The following LDB2 variants were observed in gnomAD, a reference collection of about 807,000 sequenced individuals.
The protein encoded by LDB2 is LIM domain-binding protein 2.
A neutral mutation model predicts 44.3 loss-of-function variants in LDB2; 12 were observed. The ratio of observed to expected loss-of-function variants is 0.27; its 90% confidence interval spans 0.17 to 0.44. LDB2 has a LOEUF of 0.44. Among genes scored for constraint, LDB2 ranks in the 20% least tolerant of loss-of-function variants. LDB2 has a pLI of 1.00. For missense variants in LDB2, 344 were observed against 473.5 expected (o/e 0.73, Z 2.54); for synonymous variants, 164 against 174.8 (o/e 0.94, Z 0.49).
chr4:16,790,324 G>T (rs1037681731), intron 1 of LDB2, among the ~76,000 whole-genome samples: 2 of 152,102 alleles, frequency 1.3e-5, no homozygotes, highest in African/African-American at 4.8e-5. Flanking sequence ...AACATAATAC[G>T]GTCATGCACC....
rs1726633866 is a variant in LDB2 at position 16,522,595 on chromosome 4, A to C, written c.616-10491T>G. ...GGATTATGGTGTCTGTGGGTCCTAC[A>C]ACCAATCCCCTATGGATGCTGAGGA... is the stretch of plus-strand genomic sequence containing the variant. On this transcript the variant is annotated intron_variant, in intron 5 of 7. Coordinates refer to ENST00000304523, the MANE Select transcript of LDB2 (RefSeq NM_001290.5). Among the ~76,000 whole-genome samples, 4 of 152,298 alleles carry C rather than the reference A, an allele frequency of 2.6e-5. No individual in the cohort carries two copies. The South Asian group carries it at 8.3e-4, about 32-fold the overall frequency.
Position 16,761,105 on chromosome 4 carries a change from A to G in LDB2, c.133-1845T>C, listed in dbSNP as rs140499113. ...TCTCCCAACCCCCAGAACAGTGTCT[A>G]GCCTAGGATATTACTCATAAAAGCA... is the stretch of plus-strand genomic sequence containing the variant. On this transcript the variant is annotated intron_variant, in intron 1 of 7. Transcript: ENST00000304523. 2.1e-3 allele frequency among the ~76,000 whole-genome samples: 316 copies of G among 152,010 alleles called. 1 individual carries two copies. Among genetic ancestry groups the G allele is most frequent in the Admixed American group, 4.8e-3 (73 of 15,254 alleles).
At chr4:16,619,796 GTT>G in intron 2 of LDB2, among the ~76,000 whole-genome samples, 1 of 135,978 alleles carries the variant, frequency 7.4e-6, no homozygotes, top group East Asian at 2.1e-4. Flanking sequence ...GGATATCTCT[GTT>G]TTTTTTTTTT....
chr4:16,898,604 GAGGC>G lies in LDB2; in HGVS notation c.-123_-120del, dbSNP rs1174904247. On this transcript the variant is annotated 5_prime_UTR_variant, in exon 1 of 8. Coordinates refer to ENST00000304523, the MANE Select transcript of LDB2 (RefSeq NM_001290.5). ...ACGCACACACGCTCACACACACACA[GAGGC>G]AGGCAGGCAGGCAGGCTGAACACGC... is the stretch of plus-strand genomic sequence containing the variant. The G allele has an allele frequency of 1.1e-4, 98 of 927,546 alleles. No homozygotes were observed. The highest frequency in any genetic ancestry group is 2.8e-4 in the Middle Eastern group (1 of 3,632). The allele number at this position is 927,546 out of a possible 1,614,324, so 57.5% of individuals were successfully genotyped here. A position where few individuals can be genotyped will look rare whatever the true frequency, so the allele number is the denominator to read the frequency against.
chr4:16,560,409 CA>C (rs1408893769), intron 5 of LDB2, among the ~76,000 whole-genome samples: 5 of 152,110 alleles, frequency 3.3e-5, no homozygotes, highest in African/African-American at 1.2e-4. Context: ...CACAGAAATA[CA>C]AACTACCATC....
chr4:16,759,507 T>C, intron 1 of LDB2: 1 of 427,428 alleles, frequency 2.3e-6, no homozygotes, highest in African/African-American at 2.0e-5. Flanking sequence ...CAGGATATAT[T>C]TGGGGAGATT....
chr4:16,524,510 C>A, intron 5 of LDB2, among the ~76,000 whole-genome samples: 1 of 152,118 alleles, frequency 6.6e-6, no homozygotes, highest in East Asian at 1.9e-4. Context: ...CATTGGAAAC[C>A]ACCACATCGT....
At chr4:16,848,195 C>T (rs1787476581) in intron 1 of LDB2, among the ~76,000 whole-genome samples, 1 of 152,070 alleles carries the variant, frequency 6.6e-6, no homozygotes, top group Non-Finnish European at 1.5e-5. Flanking sequence ...CAAAAAAGAA[C>T]TATGTAAAGG....
chr4:16,787,273 G>A (rs1774646395), intron 1 of LDB2, among the ~76,000 whole-genome samples: 1 of 152,074 alleles, frequency 6.6e-6, no homozygotes, highest in Admixed American at 6.6e-5. Flanking sequence ...GCCTCAAAAA[G>A]TCTACAGCCT....
chr4:16,506,291 T>G (rs1243798130), intron 7 of LDB2: 1 of 276,110 alleles, frequency 3.6e-6, no homozygotes, highest in East Asian at 6.6e-5. Context: ...TCTGCCTCTC[T>G]GTAACATCTG....
chr4:16,873,958 AG>A (rs1225774003), intron 1 of LDB2, among the ~76,000 whole-genome samples: 2 of 152,134 alleles, frequency 1.3e-5, no homozygotes, highest in South Asian at 4.1e-4. Flanking sequence ...AATGTTTTTG[AG>A]GCTCGTCCAC....
At chr4:16,824,614 C>A (rs1249601317) in intron 1 of LDB2, among the ~76,000 whole-genome samples, 1 of 152,342 alleles carries the variant, frequency 6.6e-6, no homozygotes, top group Admixed American at 6.5e-5. Flanking sequence ...TGAACCTACA[C>A]CTATGTGGTC....
At chr4:16,741,518 G>A (rs1057485408) in intron 2 of LDB2, 3 of 152,148 alleles carry the variant, frequency 2.0e-5, no homozygotes, top group East Asian at 3.9e-4. Flanking sequence ...GAATGAGGTG[G>A]GCTGTGATGC....
intron 2 of LDB2, among the ~76,000 whole-genome samples, chr4:16,606,730 G>C (rs565257289): frequency 6.6e-6 from 1 of 152,312 alleles, no homozygotes; most frequent in African/African-American, 2.4e-5. Flanking sequence ...CCAGACTAGA[G>C]AAGTAGAAAA....
chr4:16,735,169 T>A (rs564064885), intron 2 of LDB2, among the ~76,000 whole-genome samples: 1 of 152,322 alleles, frequency 6.6e-6, no homozygotes, highest in African/African-American at 2.4e-5. Context: ...CCTGTCCACA[T>A]TGGGGCCTCC....
At chr4:16,852,199 ATAG>A (rs1256571914) in intron 1 of LDB2, among the ~76,000 whole-genome samples, 1 of 152,230 alleles carries the variant, frequency 6.6e-6, no homozygotes, top group Non-Finnish European at 1.5e-5. Context: ...TACCTGGCAT[ATAG>A]TAGGTCCTAG....
At chr4:16,629,775 C>A (rs895289566) in intron 2 of LDB2, among the ~76,000 whole-genome samples, 124 of 151,874 alleles carry the variant, frequency 8.2e-4, no homozygotes, top group Non-Finnish European at 1.1e-3. Context: ...CACAGAACAA[C>A]AACTTCGTGA....
intron 2 of LDB2, among the ~76,000 whole-genome samples, chr4:16,598,374 C>T (rs1721607330): frequency 6.6e-6 from 1 of 152,122 alleles, no homozygotes; most frequent in South Asian, 2.1e-4. Context: ...AGAACTGAGT[C>T]TTCCAGCCAG....
intron 1 of LDB2, among the ~76,000 whole-genome samples, chr4:16,854,491 A>C (rs1452028247): frequency 9.1e-6 from 1 of 109,666 alleles, no homozygotes; most frequent in African/African-American, 3.5e-5. Context: ...TTTCCTGTGC[A>C]TTTAAATATA....
Sources: allele counts gnomAD v4.1 joint callset (sites outside exome capture counted in the v4.1 genomes callset), GRCh38; gene constraint gnomAD v4.1.1; transcripts MANE v1.5; gene names NCBI Gene and HGNC (gene_info 2026-07-23, HGNC 2026-07-21).